The following PTK2B variants were observed in gnomAD, a reference collection of about 807,000 sequenced individuals.
PTK2B encodes protein tyrosine kinase 2 beta.
Under a neutral mutation model 142.9 loss-of-function variants are expected in PTK2B, and 71 were observed. That is an observed-to-expected ratio of 0.50 (90% CI 0.41 to 0.61). The LOEUF is 0.61. Among genes scored for constraint, PTK2B ranks in the 20% least tolerant of loss-of-function variants. PTK2B has a pLI of 0.00. For missense variants in PTK2B, 1,105 were observed against 1,320.4 expected (o/e 0.84, Z 2.53); for synonymous variants, 519 against 503.4 (o/e 1.03, Z -0.42).
At chr8:27,330,303 G>A (rs1049853349) in intron 1 of PTK2B, among the ~76,000 whole-genome samples, 2 of 152,142 alleles carry the variant, frequency 1.3e-5, no homozygotes, top group Non-Finnish European at 2.9e-5. Context: ...GAGCTGGCGG[G>A]GCAGCACCAT....
intron 1 of PTK2B, among the ~76,000 whole-genome samples, chr8:27,350,990 A>AATATATATATATATATATATAT (rs1161548916): frequency 8.3e-5 from 1 of 12,090 alleles, no homozygotes; most frequent in Non-Finnish European, 1.6e-4. Context: ...AAAAAAAAAA[A>AATATATATATATATATATATAT]ATATATATAT....
At chr8:27,440,644 T>C (rs1210508461) in intron 21 of PTK2B, among the ~76,000 whole-genome samples, 1 of 152,152 alleles carries the variant, frequency 6.6e-6, no homozygotes, top group Non-Finnish European at 1.5e-5. Context: ...TGGGCATCTG[T>C]CAACACAGAG....
intron 3 of PTK2B, among the ~76,000 whole-genome samples, chr8:27,314,116 G>A (rs1284978815): frequency 6.6e-6 from 1 of 152,168 alleles, no homozygotes; most frequent in Admixed American, 6.5e-5. Context: ...AGACAGACAG[G>A]CCTAGGTTCC....
chr8:27,385,982 A>C (rs1807328830), intron 1 of PTK2B, among the ~76,000 whole-genome samples: 1 of 152,054 alleles, frequency 6.6e-6, no homozygotes, highest in Non-Finnish European at 1.5e-5. Flanking sequence ...TGTGCAATAG[A>C]CTTTACACAT....
At chr8:27,354,661 C>T (rs914841308) in intron 1 of PTK2B, among the ~76,000 whole-genome samples, 1 of 152,166 alleles carries the variant, frequency 6.6e-6, no homozygotes, top group Admixed American at 6.5e-5. Flanking sequence ...CAAAATAAAA[C>T]TTTGCAGAAA....
At position 27,434,543 on chromosome 8, in the gene PTK2B, A is replaced by G; in HGVS notation, c.1176A>G (p.Ser392=). ...TGGAGGCCCGGCGGTCCCACCTCTC[A>G]GAGAGCTGCAGCATAGGTGAGCTGC... ...LNLEARRSHL[S]ESCSIESDIY... Residue 392 remains serine, a synonymous_variant, in exon 13 of 31, where the codon TCA becomes TCG. Coordinates refer to ENST00000346049, the MANE Select transcript of PTK2B (RefSeq NM_173176.3). 6.2e-7 allele frequency: 1 copy of G among 1,606,746 alleles called. No homozygotes were observed. Among genetic ancestry groups the G allele is most frequent in the South Asian group, 1.1e-5 (1 of 89,766 alleles).
chr8:27,376,808 G>A (rs1005927066), intron 1 of PTK2B, among the ~76,000 whole-genome samples: 3 of 152,150 alleles, frequency 2.0e-5, no homozygotes, highest in African/African-American at 7.2e-5. Flanking sequence ...CCTTTGTTTA[G>A]CATGTCATCA....
intron 15 of PTK2B, among the ~76,000 whole-genome samples, chr8:27,436,908 A>G (rs1361949414): frequency 6.6e-6 from 1 of 152,162 alleles, no homozygotes; most frequent in Non-Finnish European, 1.5e-5. Context: ...TCATTTGACC[A>G]CTACAGCCCT....
intron 1 of PTK2B, among the ~76,000 whole-genome samples, chr8:27,385,910 A>AG (rs1055368979): frequency 3.3e-5 from 5 of 151,582 alleles, no homozygotes; most frequent in African/African-American, 7.3e-5. Flanking sequence ...AAAAAAAAAA[A>AG]AGACAGTATC....
At chr8:27,385,598 A>G (rs1311774960) in intron 1 of PTK2B, among the ~76,000 whole-genome samples, 1 of 152,154 alleles carries the variant, frequency 6.6e-6, no homozygotes, top group Non-Finnish European at 1.5e-5. Flanking sequence ...TACAGAAAAT[A>G]AAACTGTATC....
At chr8:27,365,999 G>A (rs1441791236) in intron 1 of PTK2B, among the ~76,000 whole-genome samples, 1 of 152,232 alleles carries the variant, frequency 6.6e-6, no homozygotes, top group East Asian at 1.9e-4. Flanking sequence ...CACTGCCCCA[G>A]AAACATGAGG....
rs869044240 is a variant in PTK2B, at chr8:27,454,261, GC to G, written c.2709del (p.Glu904ArgfsTer7). ...LELKNELCQL[P>X]PEGYVVVVKN... Reference sequence around the variant, plus strand: ...AGCTCAAGAATGAGCTCTGTCAGCTGCCCCCCGAGGGCTACGTGGTGGTGGT... The same window carrying G: ...AGCTCAAGAATGAGCTCTGTCAGCTGCCCCCGAGGGCTACGTGGTGGTGGT... On this transcript the variant is annotated frameshift_variant, in exon 29 of 31. Transcript: ENST00000346049. LOFTEE classifies it high-confidence loss of function. The G allele has an allele frequency of 3.7e-6, 6 of 1,613,874 alleles. No individual in the cohort carries two copies. Among genetic ancestry groups the G allele is most frequent in the Non-Finnish European group, 5.1e-6 (6 of 1,180,012 alleles).
chr8:27,454,647 T>TG, intron 30 of PTK2B, 36 bp downstream of exon 30: 1 of 1,598,744 alleles, frequency 6.3e-7, no homozygotes. Flanking sequence ...CATAGGCTGT[T>TG]GCTTTGCTCC....
At chr8:27,324,914 C>G (rs972689169), upstream of PTK2B, among the ~76,000 whole-genome samples, 2 of 152,214 alleles carry the variant, frequency 1.3e-5, no homozygotes, top group Non-Finnish European at 2.9e-5. Context: ...AAGAGGGGAC[C>G]AGCCTCTGGG....
At chr8:27,380,161 C>T (rs1474594907) in intron 1 of PTK2B, among the ~76,000 whole-genome samples, 4 of 152,158 alleles carry the variant, frequency 2.6e-5, no homozygotes, top group African/African-American at 9.7e-5. Flanking sequence ...TCATGATCCA[C>T]AGGAGACTCT....
intron 1 of PTK2B, among the ~76,000 whole-genome samples, chr8:27,371,937 G>T (rs539746713): frequency 6.6e-6 from 1 of 152,352 alleles, no homozygotes; most frequent in South Asian, 2.1e-4. Context: ...GATCCAGGCA[G>T]AGGCGCATGG....
chr8:27,330,617 G>C (rs1298691981), intron 1 of PTK2B, among the ~76,000 whole-genome samples: 1 of 152,194 alleles, frequency 6.6e-6, no homozygotes, highest in Non-Finnish European at 1.5e-5. Flanking sequence ...AAAGCTGCGA[G>C]CTGTGCAAGG....
intron 2 of PTK2B, among the ~76,000 whole-genome samples, chr8:27,403,328 C>G (rs966328934): frequency 2.6e-5 from 4 of 152,196 alleles, no homozygotes; most frequent in African/African-American, 9.7e-5. Context: ...CATGGCAACA[C>G]ATTTCCAAAA....
intron 1 of PTK2B, among the ~76,000 whole-genome samples, chr8:27,386,897 A>G (rs1807396605): frequency 6.6e-6 from 1 of 150,594 alleles, no homozygotes; most frequent in Non-Finnish European, 1.5e-5. Context: ...TTTTTTAATC[A>G]CCTACTTTTT....
Sources: allele counts gnomAD v4.1 joint callset (sites outside exome capture counted in the v4.1 genomes callset), GRCh38; gene constraint gnomAD v4.1.1; transcripts MANE v1.5; gene names NCBI Gene and HGNC (gene_info 2026-07-23, HGNC 2026-07-21).